FAM241A: variants seen among roughly 807,000 people sequenced by gnomAD.
FAM241A encodes family with sequence similarity 241 member A.
A neutral mutation model predicts 12.2 loss-of-function variants in FAM241A; 7 were observed. The observed-to-expected ratio is 0.58, with a 90% CI of 0.33 to 1.08. The LOEUF is 1.08. FAM241A is among the 50% of genes least tolerant of loss of function. The probability of loss-of-function intolerance (pLI) is 0.04; values close to 1 mark genes in which losing one functional copy is unlikely to be tolerated. For synonymous variants in FAM241A, 74 were observed against 68.2 expected, an observed-to-expected ratio of 1.08 and a Z score of -0.42; for missense variants, 161 against 169.7, an observed-to-expected ratio of 0.95 and a Z score of 0.29.
chr4:112,160,482 G>A (rs945796693), intron 1 of FAM241A, among the ~76,000 whole-genome samples: 14 of 151,050 alleles, frequency 9.3e-5, no homozygotes, highest in African/African-American at 1.9e-4. Flanking sequence ...CATACTACCC[G>A]AAGCAACCTA....
chr4:112,186,920 T>C lies in FAM241A; in HGVS notation c.381T>C (p.Ile127=). Residue 127 remains isoleucine, a synonymous_variant, in exon 2 of 2, where the codon ATT becomes ATC. Transcript: ENST00000309733. ...TAGTTGCTGTTCTTTGCCTTGTTAT[T>C]ATTTATGTGCAACAGTAAAACATGG... ...LGLVAVLCLV[I]IYVQQ 2 of 1,613,732 alleles carry C rather than the reference T, an allele frequency of 1.2e-6. No homozygotes were observed. Among genetic ancestry groups the C allele is most frequent in the Non-Finnish European group, 1.7e-6 (2 of 1,179,774 alleles).
At chr4:112,163,552 A>G (rs1215202081) in intron 1 of FAM241A, among the ~76,000 whole-genome samples, 1 of 152,238 alleles carries the variant, frequency 6.6e-6, no homozygotes, top group African/African-American at 2.4e-5. Context: ...CAAAAGACAC[A>G]TGAAAAAATG....
At chr4:112,176,939 G>T (rs1723834179) in intron 1 of FAM241A, among the ~76,000 whole-genome samples, 1 of 152,130 alleles carries the variant, frequency 6.6e-6, no homozygotes, top group African/African-American at 2.4e-5. Flanking sequence ...CTATATTTCT[G>T]CACTCATGTA....
At chr4:112,165,697 A>C (rs1001741291) in intron 1 of FAM241A, among the ~76,000 whole-genome samples, 5 of 152,158 alleles carry the variant, frequency 3.3e-5, no homozygotes, top group Admixed American at 6.6e-5. Flanking sequence ...TGTGGGATCT[A>C]AAAATCAAAA....
intron 1 of FAM241A, among the ~76,000 whole-genome samples, chr4:112,149,489 G>A (rs1723204989): frequency 6.6e-6 from 1 of 152,138 alleles, no homozygotes; most frequent in South Asian, 2.1e-4. Context: ...AAATCGTGCT[G>A]TCTGAAAATA....
chr4:112,163,174 A>G (rs1182985544), intron 1 of FAM241A, among the ~76,000 whole-genome samples: 1 of 152,250 alleles, frequency 6.6e-6, no homozygotes, highest in Non-Finnish European at 1.5e-5. Flanking sequence ...TGGATTAAAG[A>G]CTTAAATATT....
intron 1 of FAM241A, among the ~76,000 whole-genome samples, chr4:112,164,679 T>C (rs1344425558): frequency 1.3e-5 from 2 of 152,074 alleles, no homozygotes; most frequent in African/African-American, 4.8e-5. Context: ...ACCCATAGAA[T>C]GGGAGAAAAT....
intron 1 of FAM241A, among the ~76,000 whole-genome samples, chr4:112,157,126 T>G (rs1380514584): frequency 2.0e-5 from 3 of 152,190 alleles, no homozygotes; most frequent in Admixed American, 6.5e-5. Flanking sequence ...AAAGATTTTA[T>G]GTAACTCATC....
intron 1 of FAM241A, among the ~76,000 whole-genome samples, chr4:112,179,914 G>GATATATATATATATATATAT (rs34513702): frequency 1.1e-4 from 13 of 117,756 alleles, no homozygotes; most frequent in East Asian, 5.6e-4. Context: ...AAGAAAATGT[G>GATATATATATATATATATAT]ATATATATAT....
At chr4:112,161,083 C>T (rs1057494602) in intron 1 of FAM241A, among the ~76,000 whole-genome samples, 39 of 151,812 alleles carry the variant, frequency 2.6e-4, no homozygotes, top group Non-Finnish European at 2.9e-5. Flanking sequence ...TAAAAAGCTG[C>T]ACAGAAATAA....
chr4:112,166,458 A>G (rs1232416935), intron 1 of FAM241A, among the ~76,000 whole-genome samples: 2 of 152,140 alleles, frequency 1.3e-5, no homozygotes, highest in Admixed American at 6.6e-5. Flanking sequence ...CTCCTTTACA[A>G]TAAGAGATTT....
chr4:112,158,560 AAG>A lies in FAM241A; in HGVS notation c.153+12833_153+12834del, dbSNP rs1263199833. On this transcript the variant is annotated intron_variant, in intron 1 of 1. Transcript: ENST00000309733. ...CATTAATCTTGTGTTGTAGTAGGGA[AAG>A]AGAGACAATGTATAAATGAACAAGT... is the stretch of plus-strand genomic sequence containing the variant. 2.6e-5 allele frequency among the ~76,000 whole-genome samples: 4 copies of A among 152,298 alleles called. No individual in the cohort carries two copies. The East Asian group carries it at 7.7e-4, about 29-fold the overall frequency.
chr4:112,169,413 T>C (rs908736729), intron 1 of FAM241A, among the ~76,000 whole-genome samples: 2 of 152,242 alleles, frequency 1.3e-5, no homozygotes, highest in African/African-American at 4.8e-5. Context: ...ATAAAATCTA[T>C]TTTTATACTT....
intron 1 of FAM241A, among the ~76,000 whole-genome samples, chr4:112,155,533 A>G (rs981841062): frequency 2.7e-5 from 4 of 148,274 alleles, no homozygotes; most frequent in Admixed American, 1.3e-4. Flanking sequence ...TATAAATTAT[A>G]TAATATAATA....
chr4:112,152,633 C>T (rs979857305), intron 1 of FAM241A, among the ~76,000 whole-genome samples: 1 of 152,058 alleles, frequency 6.6e-6, no homozygotes, highest in African/African-American at 2.4e-5. Flanking sequence ...TGTTGAGTCT[C>T]GTTCTCTCAT....
At chr4:112,172,712 T>C (rs139140693) in intron 1 of FAM241A, among the ~76,000 whole-genome samples, 1 of 152,336 alleles carries the variant, frequency 6.6e-6, no homozygotes, top group African/African-American at 2.4e-5. Flanking sequence ...GTAATATTAC[T>C]TATCTAATAC....
chr4:112,149,813 T>G (rs1723210799), intron 1 of FAM241A, among the ~76,000 whole-genome samples: 1 of 152,194 alleles, frequency 6.6e-6, no homozygotes, highest in Non-Finnish European at 1.5e-5. Flanking sequence ...TTCTTTTTAG[T>G]CATTTTTTTT....
intron 1 of FAM241A, among the ~76,000 whole-genome samples, chr4:112,184,397 T>C (rs1724000141): frequency 6.6e-6 from 1 of 152,030 alleles, no homozygotes; most frequent in Non-Finnish European, 1.5e-5. Flanking sequence ...GGCATGGTGG[T>C]GCATGCCTGT....
Position 112,188,035 on chromosome 4 carries a change from G to T in FAM241A, c.*1097G>T, listed in dbSNP as rs932010258. On this transcript the variant is annotated 3_prime_UTR_variant, in exon 2 of 2. Transcript: ENST00000309733. Reference sequence around the variant, plus strand: ...CTAAAGTCACATCAGTAATTGGCTAGCCATGTTATTAAGGTGTCTTAATTC... The same window carrying T: ...CTAAAGTCACATCAGTAATTGGCTATCCATGTTATTAAGGTGTCTTAATTC... 7 of 152,100 alleles carry T rather than the reference G, an allele frequency of 4.6e-5. No individual in the cohort carries two copies. Among genetic ancestry groups the T allele is most frequent in the African/African-American group, 1.7e-4 (7 of 41,428 alleles). 9.4% of individuals were successfully genotyped at this position (152,100 alleles called of 1,614,324 possible). A position where few individuals can be genotyped will look rare whatever the true frequency, so the allele number is the denominator to read the frequency against.
Sources: allele counts gnomAD v4.1 joint callset (sites outside exome capture counted in the v4.1 genomes callset), GRCh38; gene constraint gnomAD v4.1.1; transcripts MANE v1.5; gene names NCBI Gene and HGNC (gene_info 2026-07-23, HGNC 2026-07-21).